The following RGL1 variants were observed in gnomAD, a reference collection of about 807,000 sequenced individuals.
RGL1 encodes ral guanine nucleotide dissociation stimulator-like 1.
A neutral mutation model predicts 95.2 loss-of-function variants in RGL1; 24 were observed. The observed-to-expected ratio is 0.25, with a 90% CI of 0.18 to 0.35. The LOEUF is 0.35. RGL1 is among the 10% of genes least tolerant of loss of function. The pLI is 1.00. For synonymous variants in RGL1, 329 were observed against 344.9 expected, an observed-to-expected ratio of 0.95 and a Z score of 0.51; for missense variants, 715 against 936.3, an observed-to-expected ratio of 0.76 and a Z score of 3.08.
chr1:183,796,422 A>G (rs1307220291), intron 2 of RGL1, among the ~76,000 whole-genome samples: 1 of 152,118 alleles, frequency 6.6e-6, no homozygotes, highest in African/African-American at 2.4e-5. Flanking sequence ...TCCGCCTCCC[A>G]AAGTGCTGGG....
intron 2 of RGL1, among the ~76,000 whole-genome samples, chr1:183,799,910 G>T (rs1357848741): frequency 6.6e-6 from 1 of 152,194 alleles, no homozygotes; most frequent in Non-Finnish European, 1.5e-5. Context: ...TGTGAAAGTA[G>T]AGAGAGGAGA....
At chr1:183,648,439 T>C (rs771951165) in intron 1 of RGL1, 2 of 1,614,238 alleles carry the variant, frequency 1.2e-6, no homozygotes, top group Non-Finnish European at 1.7e-6. Context: ...ATATGCCTGA[T>C]GCTGTCATTA....
Position 183,664,771 on chromosome 1 carries a change from TC to T in RGL1, c.-33+28272del, listed in dbSNP as rs1355372420. ...CCTTGCTGTAATTGCTTATTATAGT[TC>T]CAGGAGTTTTTCGGTCAATTCTTTT... On this transcript the variant is annotated intron_variant, in intron 1 of 18. Transcript: ENST00000304685. Among the ~76,000 whole-genome samples the T allele has an allele frequency of 2.0e-5, 3 of 152,174 alleles. No individual in the cohort carries two copies. In the East Asian group the frequency reaches 5.8e-4, roughly 29 times the overall value.
intron 2 of RGL1, among the ~76,000 whole-genome samples, chr1:183,743,833 G>A (rs1295080206): frequency 2.0e-5 from 3 of 152,152 alleles, no homozygotes; most frequent in African/African-American, 4.8e-5. Context: ...TATTGGTATG[G>A]CTCTTTGGTT....
intron 1 of RGL1, chr1:183,647,749 C>T (rs10911390): frequency 0.038 from 61,360 of 1,613,802 alleles, 2,030 homozygotes; most frequent in African/African-American, 0.17. Context: ...GTGATTTCCA[C>T]TATCTCCACT....
intron 2 of RGL1, among the ~76,000 whole-genome samples, chr1:183,841,782 G>A (rs761482348): frequency 6.6e-6 from 1 of 152,168 alleles, no homozygotes; most frequent in Non-Finnish European, 1.5e-5. Flanking sequence ...GGAGAGATGA[G>A]CAGAGCTTAT....
chr1:183,907,526 T>C (rs1668407599), intron 14 of RGL1, among the ~76,000 whole-genome samples: 1 of 152,212 alleles, frequency 6.6e-6, no homozygotes, highest in South Asian at 2.1e-4. Context: ...CAGACTTCCC[T>C]CTCTTACAAC....
Position 183,719,767 on chromosome 1 carries a change from A to G in RGL1, c.-32-22359A>G, listed in dbSNP as rs570457465. On this transcript the variant is annotated intron_variant, in intron 1 of 18. Coordinates refer to the RGL1 transcript ENST00000304685. ...ATAAAAATACAAAAATTAGCTGGGC[A>G]TGGTGGCGCATGCCTGTAATTCCAG... Among the ~76,000 whole-genome samples the G allele has an allele frequency of 3.5e-4, 53 of 152,108 alleles. 1 individual carries two copies. The highest frequency in any genetic ancestry group is 6.2e-4 in the South Asian group (3 of 4,828).
At chr1:183,642,211 A>G (rs1334014074) in intron 1 of RGL1, among the ~76,000 whole-genome samples, 3 of 152,082 alleles carry the variant, frequency 2.0e-5, no homozygotes, top group Admixed American at 2.0e-4. Context: ...TTTTATTAGT[A>G]ATAGCAACCA....
At chr1:183,865,182 A>G (rs1424843430) in intron 3 of RGL1, among the ~76,000 whole-genome samples, 1 of 152,238 alleles carries the variant, frequency 6.6e-6, no homozygotes, top group Non-Finnish European at 1.5e-5. Flanking sequence ...AAAATATGAT[A>G]TATTTGTATG....
chr1:183,889,311 A>G (rs781150742), intron 8 of RGL1, among the ~76,000 whole-genome samples: 2 of 152,192 alleles, frequency 1.3e-5, no homozygotes, highest in Non-Finnish European at 2.9e-5. Flanking sequence ...CATGAGTACA[A>G]CTAGGCCAGC....
rs777735690 is a variant in RGL1 at position 183,827,263 on chromosome 1, T to C, written c.139-20303T>C. On this transcript the variant is annotated intron_variant, in intron 2 of 17. Transcript: ENST00000360851. Reference sequence around the variant, plus strand: ...AAAATTTGATTTTTCCTTAACCTTATTGACACCCTGAACAACTTTCTTGCA... The same window carrying C: ...AAAATTTGATTTTTCCTTAACCTTACTGACACCCTGAACAACTTTCTTGCA... Among the ~76,000 whole-genome samples the C allele has an allele frequency of 2.6e-4, 39 of 152,326 alleles. No individual in the cohort carries two copies. In the Middle Eastern group the frequency reaches 0.01, roughly 40 times the overall value.
At chr1:183,716,316 A>G (rs989411782) in intron 1 of RGL1, among the ~76,000 whole-genome samples, 3 of 152,248 alleles carry the variant, frequency 2.0e-5, no homozygotes, top group African/African-American at 7.2e-5. Context: ...GCTAACTGTT[A>G]TAACAAATAG....
chr1:183,819,299 A>G (rs1287575346), intron 2 of RGL1, among the ~76,000 whole-genome samples: 12 of 152,200 alleles, frequency 7.9e-5, no homozygotes, highest in African/African-American at 2.7e-4. Context: ...TTACTCTGAG[A>G]TTTATGTTGC....
At chr1:183,886,534 T>C (rs544556385) in intron 7 of RGL1, among the ~76,000 whole-genome samples, 2 of 152,202 alleles carry the variant, frequency 1.3e-5, no homozygotes, top group Non-Finnish European at 2.9e-5. Flanking sequence ...GCGATGACTT[T>C]TGGTCCAAAT....
intron 16 of RGL1, 97 bp from the exon 17 acceptor site, chr1:183,922,125 C>A: frequency 2.1e-6 from 2 of 933,614 alleles, no homozygotes; most frequent in Non-Finnish European, 3.4e-6. Context: ...TCTGGAAAGG[C>A]ATCACAACAC....
intron 1 of RGL1, among the ~76,000 whole-genome samples, chr1:183,708,303 A>G (rs1655044015): frequency 6.6e-6 from 1 of 152,116 alleles, no homozygotes; most frequent in Non-Finnish European, 1.5e-5. Context: ...GAGGGAGATG[A>G]TAAAAGGAGC....
chr1:183,893,768 C>G (rs890587683), intron 9 of RGL1, among the ~76,000 whole-genome samples: 13 of 152,204 alleles, frequency 8.5e-5, no homozygotes, highest in Non-Finnish European at 1.6e-4. Flanking sequence ...ATCACTTGCT[C>G]TGTTGCAACT....
chr1:183,829,332 T>C (rs1663097158), intron 2 of RGL1, among the ~76,000 whole-genome samples: 1 of 151,936 alleles, frequency 6.6e-6, no homozygotes, highest in Non-Finnish European at 1.5e-5. Flanking sequence ...GTCCCAGCTA[T>C]TCAGGAAGCT....
Sources: allele counts gnomAD v4.1 joint callset (sites outside exome capture counted in the v4.1 genomes callset), GRCh38; gene constraint gnomAD v4.1.1; transcripts MANE v1.5; gene names NCBI Gene and HGNC (gene_info 2026-07-23, HGNC 2026-07-21).